The following FRMD3 variants were observed in gnomAD, a reference collection of about 807,000 sequenced individuals.
FRMD3 encodes the protein FERM domain containing 3, also known as FERM domain-containing protein 3.
FRMD3 carries 33 observed loss-of-function variants against 70.2 expected under a neutral mutation model. The observed-to-expected ratio is 0.47, with a 90% CI of 0.36 to 0.63. FRMD3 has a LOEUF of 0.63. FRMD3 is among the 20% of genes least tolerant of loss of function. The pLI is 0.00. For synonymous variants in FRMD3, 279 were observed against 255.9 expected (o/e 1.09, Z -0.86); for missense variants, 632 against 711.4 (o/e 0.89, Z 1.27).
At chr9:83,325,577 A>G (rs1835979965) in intron 6 of FRMD3, among the ~76,000 whole-genome samples, 1 of 152,172 alleles carries the variant, frequency 6.6e-6, no homozygotes, top group African/African-American at 2.4e-5. Context: ...CTCCCACCTC[A>G]GCCTCCCAAA....
chr9:83,397,574 T>C (rs1047589175), intron 1 of FRMD3, among the ~76,000 whole-genome samples: 1 of 152,152 alleles, frequency 6.6e-6, no homozygotes, highest in African/African-American at 2.4e-5. Context: ...AGCCCCAGGA[T>C]GGTGGGAACA....
chr9:83,359,568 C>A (rs1824517164), intron 3 of FRMD3, among the ~76,000 whole-genome samples: 1 of 152,038 alleles, frequency 6.6e-6, no homozygotes, highest in South Asian at 2.1e-4. Flanking sequence ...ACGACTCCAC[C>A]CAGTTGTTGT....
the FRMD3 span, among the ~76,000 whole-genome samples, chr9:83,552,149 C>T: frequency 6.6e-6 from 1 of 152,262 alleles, no homozygotes; most frequent in South Asian, 2.1e-4. Flanking sequence ...TTAGCTGTGT[C>T]CCACAGATTC....
chr9:83,390,886 A>T (rs1421114531), intron 1 of FRMD3, among the ~76,000 whole-genome samples: 1 of 152,220 alleles, frequency 6.6e-6, no homozygotes, highest in Non-Finnish European at 1.5e-5. Context: ...TTACATAATG[A>T]TCTTTTCATT....
In FRMD3 at chr9:83,520,222, C is replaced by G. The variant is rs1053924546; in HGVS notation, c.147+17863G>C. 9.9e-5 allele frequency among the ~76,000 whole-genome samples: 15 copies of G among 152,264 alleles called. No homozygotes were observed. In the South Asian group the frequency reaches 2.9e-3, roughly 29 times the overall value. ...TCACTCACCAGGCTAATTCCTTCCC[C>G]CCCTGGACTTCAGATGCTCCCTGAG... On this transcript the variant is annotated intron_variant, in intron 1 of 13. Transcript: ENST00000304195.
At chr9:83,327,968 T>TA (rs1304288595) in intron 6 of FRMD3, among the ~76,000 whole-genome samples, 1 of 152,128 alleles carries the variant, frequency 6.6e-6, no homozygotes, top group African/African-American at 2.4e-5. Flanking sequence ...GAGCATTAGA[T>TA]AAAATGCTGC....
Position 83,267,749 on chromosome 9 carries a change from A to G in FRMD3, c.1196-19233T>C, listed in dbSNP as rs575640683. Among the ~76,000 whole-genome samples the G allele has an allele frequency of 1.2e-4, 19 of 152,368 alleles. No homozygotes were observed. The South Asian group carries it at 3.9e-3, about 32-fold the overall frequency. The stretch of plus-strand genomic sequence containing the variant: ...TAATAATTAATCAACTCTTTTATTA[A>G]TAAAGAGTTTGCATTCTTTTTTGGG... On this transcript the variant is annotated intron_variant, in intron 13 of 13. Transcript: ENST00000304195.
intron 13 of FRMD3, among the ~76,000 whole-genome samples, chr9:83,248,965 A>G (rs10115475): frequency 0.32 from 48,026 of 152,044 alleles, 8,542 homozygotes; most frequent in Middle Eastern, 0.46. Context: ...TCTTCATTCT[A>G]GACACAATTT....
intron 1 of FRMD3, among the ~76,000 whole-genome samples, chr9:83,531,574 T>C (rs958204540): frequency 3.9e-5 from 6 of 152,220 alleles, no homozygotes; most frequent in African/African-American, 1.2e-4. Context: ...AGACTCTGAA[T>C]GGCATTCCAG....
At chr9:83,285,269 C>T (rs1009446220) in intron 13 of FRMD3, among the ~76,000 whole-genome samples, 4 of 152,164 alleles carry the variant, frequency 2.6e-5, no homozygotes, top group Non-Finnish European at 5.9e-5. Flanking sequence ...CATACACAAA[C>T]ATTTACAGGG....
At chr9:83,320,183 G>C (rs1357839907) in intron 6 of FRMD3, among the ~76,000 whole-genome samples, 1 of 152,004 alleles carries the variant, frequency 6.6e-6, no homozygotes, top group African/African-American at 2.4e-5. Context: ...AGGACTTCCA[G>C]TACTATGTTG....
intron 6 of FRMD3, among the ~76,000 whole-genome samples, chr9:83,334,498 T>G (rs75912410): frequency 6.6e-6 from 1 of 152,228 alleles, no homozygotes; most frequent in Non-Finnish European, 1.5e-5. Context: ...TGTTCCAGAA[T>G]GCATAATCCA....
intron 1 of FRMD3, among the ~76,000 whole-genome samples, chr9:83,511,715 G>C (rs1403908242): frequency 6.6e-6 from 1 of 152,124 alleles, no homozygotes. Flanking sequence ...ATTCAATGCA[G>C]GGAAGCACGT....
intron 1 of FRMD3, among the ~76,000 whole-genome samples, chr9:83,413,061 T>C (rs943887337): frequency 6.6e-6 from 1 of 151,692 alleles, no homozygotes; most frequent in Non-Finnish European, 1.5e-5. Context: ...AAAAATATGG[T>C]TCTAATAAAA....
chr9:83,479,654 AGG>A (rs1242960183), intron 1 of FRMD3, among the ~76,000 whole-genome samples: 13 of 51,858 alleles, frequency 2.5e-4, no homozygotes, highest in African/African-American at 1.3e-3. Context: ...GAAGGAAGGA[AGG>A]AAGGAAGGAA....
At chr9:83,336,539 A>G (rs530538573) in intron 5 of FRMD3, among the ~76,000 whole-genome samples, 32 of 150,518 alleles carry the variant, frequency 2.1e-4, no homozygotes, top group Non-Finnish European at 4.3e-4. Context: ...AAATCACTAG[A>G]AGGAACCCAG....
At chr9:83,310,364 T>C (rs1835305367) in intron 9 of FRMD3, 121 bp downstream of exon 9, 2 of 803,212 alleles carry the variant, frequency 2.5e-6, no homozygotes, top group East Asian at 5.2e-5. Flanking sequence ...ATAGCTTTCA[T>C]TATCACCATA....
chr9:83,467,614 A>T, intron 1 of FRMD3: 1 of 1,520,590 alleles, frequency 6.6e-7, no homozygotes, highest in Non-Finnish European at 8.8e-7. Flanking sequence ...TGACTGACAC[A>T]TACCTTTGAA....
chr9:83,467,602 G>GTAATCAACTGA, intron 1 of FRMD3: 2 of 1,458,100 alleles, frequency 1.4e-6, no homozygotes, highest in South Asian at 2.4e-5. Context: ...TTACATTTTA[G>GTAATCAACTGA]CTGACTGACA....
Sources: allele counts gnomAD v4.1 joint callset (sites outside exome capture counted in the v4.1 genomes callset), GRCh38; gene constraint gnomAD v4.1.1; transcripts MANE v1.5; gene names NCBI Gene and HGNC (gene_info 2026-07-23, HGNC 2026-07-21).